Variants in EIF6 observed in about 807,000 individuals in gnomAD.
EIF6 encodes the protein B4 integrin interactor.
EIF6 carries 10 observed loss-of-function variants against 25.5 expected under a neutral mutation model. That is an observed-to-expected ratio of 0.39 (90% CI 0.24 to 0.66). The LOEUF (loss-of-function observed/expected upper bound fraction) is 0.66, where lower values mean the gene tolerates loss of function less well. Ranked by LOEUF, EIF6 falls within the 30% of genes least tolerant of loss-of-function variation. The pLI, the probability that EIF6 is intolerant of heterozygous loss-of-function variation, is 0.45. For missense variants in EIF6, 246 were observed against 315.4 expected, an observed-to-expected ratio of 0.78 and a Z score of 1.67; for synonymous variants, 122 against 122.6, an observed-to-expected ratio of 1.00 and a Z score of 0.03.
rs111930077 is a variant in EIF6, at chr20:35,279,903, T to C, written c.546+39A>G. On this transcript the variant is annotated intron_variant, in intron 5 of 6. Coordinates refer to ENST00000374450, the MANE Select transcript of EIF6 (RefSeq NM_002212.4). The stretch of plus-strand genomic sequence containing the variant: ...CTCCCAAACACTAGGCAAAAGGATC[T>C]GCCTCGGGAGACGGGGTTCAGAGGA... 54 of 1,603,006 alleles carry C rather than the reference T, an allele frequency of 3.4e-5. 1 individual carries two copies. In the African/African-American group the frequency reaches 4.8e-4, roughly 14 times the overall value.
Position 35,284,443 on chromosome 20 carries a change from G to A in EIF6, c.45C>T (p.Cys15=). ...ASFENNCEIG[C]FAKLTNTYCL... ...AGTAGGTGTTGGTGAGCTTGGCAAAGCAGCCGATCTCACAGTTGTTCTCGA... is the reference window on the plus strand; with the variant it reads ...AGTAGGTGTTGGTGAGCTTGGCAAAACAGCCGATCTCACAGTTGTTCTCGA... Residue 15 remains cysteine, a synonymous_variant, in exon 2 of 7, where the codon TGC becomes TGT. Transcript: ENST00000374450. 6.2e-7 allele frequency: 1 copy of A among 1,613,026 alleles called. No homozygotes were observed. Among genetic ancestry groups the A allele is most frequent in the Non-Finnish European group, 8.5e-7 (1 of 1,179,530 alleles).
chr20:35,284,355 C>T (rs773412351), intron 2 of EIF6, 26 bp downstream of exon 2: 3 of 1,613,604 alleles, frequency 1.9e-6, no homozygotes, highest in Non-Finnish European at 1.7e-6. Flanking sequence ...TCCCCGCCAC[C>T]GTAAGCCCCG....
chr20:35,279,951 G>C lies in EIF6; in HGVS notation c.537C>G (p.Val179=), dbSNP rs77914324. Reference sequence around the variant, plus strand: ...GGACAGGAATGCTTACCACAAGGGGGACTTGAAGAAGAGAGGACAGCTCAT... The same window carrying C: ...GGACAGGAATGCTTACCACAAGGGGCACTTGAAGAAGAGAGGACAGCTCAT... ...DQDELSSLLQ[V]PLVAGTVNRG... Residue 179 remains valine, a synonymous_variant, in exon 5 of 7, where the codon GTC becomes GTG. Transcript: ENST00000374450. 785 of 1,613,940 alleles carry C rather than the reference G, an allele frequency of 4.9e-4. 7 individuals are homozygous for C. The East Asian group carries it at 0.016, about 33-fold the overall frequency.
chr20:35,284,528 G>A, intron 1 of EIF6, 36 bp from the exon 2 acceptor site: 1 of 1,564,252 alleles, frequency 6.4e-7, no homozygotes, highest in Non-Finnish European at 8.7e-7. Flanking sequence ...AAGGCCGGCG[G>A]ATCCTTTCCC....
chr20:35,279,076 CCT>C lies in EIF6; in HGVS notation c.*119_*120del, dbSNP rs563576562. ...GTGGAAAAGGGTTGGGTGCCCAGCC[CCT>C]CAGTCCCAGTGAGCTCTCTGCCACC... On this transcript the variant is annotated 3_prime_UTR_variant, in exon 7 of 7. Transcript: ENST00000374450. 5.5e-4 allele frequency: 730 copies of C among 1,315,658 alleles called. No homozygotes were observed. Among genetic ancestry groups the C allele is most frequent in the Non-Finnish European group, 7.3e-4 (673 of 920,588 alleles). 81.5% of individuals were successfully genotyped at this position (1,315,658 alleles called of 1,614,324 possible).
At position 35,279,929 on chromosome 20, in the gene EIF6, C is replaced by T; in HGVS notation, c.546+13G>A. ...GCCTCGGGAGACGGGGTTCAGAGGA[C>T]AGGAATGCTTACCACAAGGGGGACT... On this transcript the variant is annotated intron_variant, in intron 5 of 6. Transcript: ENST00000374450. 6.2e-7 allele frequency: 1 copy of T among 1,612,302 alleles called. No homozygotes were observed. The highest frequency in any genetic ancestry group is 1.1e-5 in the South Asian group (1 of 90,964).
chr20:35,280,496 G>C (rs1031417475), intron 4 of EIF6, among the ~76,000 whole-genome samples, 158 bp downstream of exon 4: 7 of 152,166 alleles, frequency 4.6e-5, no homozygotes. Flanking sequence ...ACTTGATAAG[G>C]CCTCTGTTAT....
intron 3 of EIF6, among the ~76,000 whole-genome samples, chr20:35,282,773 C>A (rs2060788094): frequency 6.6e-6 from 1 of 152,054 alleles, no homozygotes; most frequent in Non-Finnish European, 1.5e-5. Flanking sequence ...CCACACCCGG[C>A]TAATTTCTGT....
At position 35,279,542 on chromosome 20, in the gene EIF6, GAAGA is replaced by G. The variant is rs1164827030; in HGVS notation, c.728+20_728+23del. The G allele has an allele frequency of 3.1e-6, 5 of 1,612,230 alleles. No homozygotes were observed. Among genetic ancestry groups the G allele is most frequent in the Admixed American group, 3.3e-5 (2 of 59,986 alleles). ...GCAAGTTAACCCCCAACCCTGAGCA[GAAGA>G]AAGGAGAGGCCCCAGGTACCTGTCA... On this transcript the variant is annotated intron_variant, in intron 6 of 6. Transcript: ENST00000374450.
At chr20:35,280,473 G>A (rs2060764625) in intron 4 of EIF6, among the ~76,000 whole-genome samples, 181 bp downstream of exon 4, 1 of 152,132 alleles carries the variant, frequency 6.6e-6, no homozygotes, top group Non-Finnish European at 1.5e-5. Context: ...ACCCTCCCCA[G>A]CTTCTTTCTG....
At position 35,279,068 on chromosome 20, in the gene EIF6, G is replaced by T; in HGVS notation, c.*129C>A. ...AAGCACAGGTGGAAAAGGGTTGGGT[G>T]CCCAGCCCCTCAGTCCCAGTGAGCT... On this transcript the variant is annotated 3_prime_UTR_variant, in exon 7 of 7. Transcript: ENST00000374450. 8.3e-7 allele frequency: 1 copy of T among 1,200,640 alleles called. No homozygotes were observed. The highest frequency in any genetic ancestry group is 1.2e-6 in the Non-Finnish European group (1 of 820,556). 74.4% of individuals were successfully genotyped at this position (1,200,640 alleles called of 1,614,324 possible).
chr20:35,279,355 C>T, intron 6 of EIF6, 149 bp from the exon 7 acceptor site: 1 of 1,306,038 alleles, frequency 7.7e-7, no homozygotes, highest in South Asian at 1.2e-5. Flanking sequence ...CCCTGAAAAA[C>T]CACAAAGATG....
Position 35,284,219 on chromosome 20 carries a change from G to C in EIF6, c.150C>G (p.His50Gln). Residue 50 changes from histidine to glutamine, a missense_variant, in exon 3 of 7, where the codon CAC (histidine) becomes CAG (glutamine). Physicochemically the swap from His to Gln is conservative, Grantham distance 24. Transcript: ENST00000374450. ...GELSDTIPVV[H>Q]ASIAGCRIIG... ...TGATGCGGCAGCCGGCGATAGACGC[G>C]TGCACCACGGGGATGGTATCGGAGA... 6.2e-7 allele frequency: 1 copy of C among 1,605,418 alleles called. No homozygotes were observed. The highest frequency in any genetic ancestry group is 8.5e-7 in the Non-Finnish European group (1 of 1,175,126).
intron 1 of EIF6, 34 bp downstream of exon 1, chr20:35,284,692 C>T: frequency 1.6e-6 from 1 of 619,684 alleles, no homozygotes; most frequent in Non-Finnish European, 2.8e-6. Flanking sequence ...AGGACCGGAG[C>T]TGACCCTCCC....
chr20:35,279,609 G>A lies in EIF6; in HGVS notation c.685C>T (p.Pro229Ser). ...CGCATGCTGGTGGCAATGGTGCTAGGCTGGGCTTCATTCAGCTTGAAGACA... is the reference window on the plus strand; with the variant it reads ...CGCATGCTGGTGGCAATGGTGCTAGACTGGGCTTCATTCAGCTTGAAGACA... ...ESVFKLNEAQ[P>S]STIATSMRDS... Residue 229 changes from proline (P) to serine (S), a missense_variant, in exon 6 of 7, where the codon CCT becomes TCT. Transcript: ENST00000374450. The A allele has an allele frequency of 6.2e-7, 1 of 1,614,154 alleles. No homozygotes were observed. The highest frequency in any genetic ancestry group is 8.5e-7 in the Non-Finnish European group (1 of 1,180,038).
At chr20:35,282,973 C>T (rs2060789518) in intron 3 of EIF6, among the ~76,000 whole-genome samples, 1 of 152,088 alleles carries the variant, frequency 6.6e-6, no homozygotes, top group African/African-American at 2.4e-5. Context: ...CAATGGGCAG[C>T]AGTAATGGAA....
chr20:35,278,943 T>C lies in EIF6; in HGVS notation c.*254A>G, dbSNP rs903147782. On this transcript the variant is annotated 3_prime_UTR_variant, in exon 7 of 7. Transcript: ENST00000374450. ...TGGCCCGGAGGGAACTGCACTTTAA[T>C]GGGGTGGCACAGGACAGCAGAACCC... 1.9e-5 allele frequency: 11 copies of C among 564,514 alleles called. No individual in the cohort carries two copies. Among genetic ancestry groups the C allele is most frequent in the Non-Finnish European group, 1.3e-5 (4 of 314,790 alleles). The allele number at this position is 564,514 out of a possible 1,614,324, so 35.0% of individuals were successfully genotyped here. A position where few individuals can be genotyped will look rare whatever the true frequency, so the allele number is the denominator to read the frequency against.
rs1328689090 is a variant in EIF6, at chr20:35,280,696, G to A, written c.327C>T (p.Thr109=). The change falls in exon 4 of 7, where the codon ACC becomes ACT. Residue 109 remains threonine (T), a synonymous_variant. Coordinates refer to ENST00000374450, the MANE Select transcript of EIF6 (RefSeq NM_002212.4). ...GGACCAAGGCCACGTAGTCATTGCA[G>A]GTGGTGACATTGCCCAAGGCTGAGA... ...ERLSALGNVT[T]CNDYVALVHP... is the part of the protein sequence containing the mutation. 12 of 1,613,738 alleles carry A rather than the reference G, an allele frequency of 7.4e-6. No individual in the cohort carries two copies. The African/African-American group carries it at 1.5e-4, about 20-fold the overall frequency.
chr20:35,284,364 C>G lies in EIF6; in HGVS notation c.107+17G>C, dbSNP rs199648134. 1,160 of 1,613,508 alleles carry G rather than the reference C, an allele frequency of 7.2e-4. 1 individual carries two copies. Among genetic ancestry groups the G allele is most frequent in the Non-Finnish European group, 8.7e-4 (1,027 of 1,179,924 alleles). On this transcript the variant is annotated intron_variant, in intron 2 of 6. Coordinates refer to ENST00000374450, the MANE Select transcript of EIF6 (RefSeq NM_002212.4). ...CACGCCTCCCCGCCACCGTAAGCCC[C>G]GGGGCTCCCGCCGCACCTGTAGAAG...
Sources: allele counts gnomAD v4.1 joint callset (sites outside exome capture counted in the v4.1 genomes callset), GRCh38; gene constraint gnomAD v4.1.1; transcripts MANE v1.5; gene names NCBI Gene and HGNC (gene_info 2026-07-23, HGNC 2026-07-21).